Variants in TCF4 observed in about 807,000 individuals in gnomAD.
The protein encoded by TCF4 is transcription factor 4.
A neutral mutation model predicts 82.1 loss-of-function variants in TCF4; 3 were observed. That is an observed-to-expected ratio of 0.04 (90% CI 0.02 to 0.09). The LOEUF (loss-of-function observed/expected upper bound fraction) is 0.09. Ranked by LOEUF, TCF4 falls within the 10% of genes least tolerant of loss-of-function variation. The probability of loss-of-function intolerance (pLI) is 1.00; values close to 1 mark genes in which losing one functional copy is unlikely to be tolerated. For missense variants in TCF4, 518 were observed against 852.7 expected (o/e 0.61, Z 4.89); for synonymous variants, 276 against 309.6 (o/e 0.89, Z 1.14).
chr18:55,594,020 T>C (rs1249055888), intron 2 of TCF4, among the ~76,000 whole-genome samples: 1 of 152,196 alleles, frequency 6.6e-6, no homozygotes, highest in African/African-American at 2.4e-5. Context: ...CTACTCACAC[T>C]GTAAGTCTGA....
intron 5 of TCF4, among the ~76,000 whole-genome samples, chr18:55,416,791 C>T (rs1191328174): frequency 6.6e-6 from 1 of 152,190 alleles, no homozygotes; most frequent in Non-Finnish European, 1.5e-5. Context: ...ATTTAAATGA[C>T]TTTGACATGC....
chr18:55,398,090 T>C (rs1295912573), intron 6 of TCF4, among the ~76,000 whole-genome samples: 3 of 152,182 alleles, frequency 2.0e-5, no homozygotes, highest in Non-Finnish European at 2.9e-5. Flanking sequence ...ACAAGATCCC[T>C]TGGTTTTTCT....
intron 3 of TCF4, among the ~76,000 whole-genome samples, chr18:55,583,887 T>C (rs1232299314): frequency 6.6e-6 from 1 of 152,094 alleles, no homozygotes; most frequent in Non-Finnish European, 1.5e-5. Flanking sequence ...GAGGATACCA[T>C]ACAGAAATTT....
chr18:55,597,661 T>C (rs1442705536), intron 2 of TCF4, among the ~76,000 whole-genome samples: 1 of 150,682 alleles, frequency 6.6e-6, no homozygotes, highest in Non-Finnish European at 1.5e-5. Context: ...AGCAAGACTC[T>C]GTCTCAAAAA....
At chr18:55,560,573 A>G (rs763774743) in intron 3 of TCF4, among the ~76,000 whole-genome samples, 6 of 152,128 alleles carry the variant, frequency 3.9e-5, no homozygotes, top group Admixed American at 6.5e-5. Context: ...GGCTTCTCTG[A>G]TCATGCCTAG....
chr18:55,548,237 G>A (rs1568370652), intron 3 of TCF4, among the ~76,000 whole-genome samples: 1 of 152,164 alleles, frequency 6.6e-6, no homozygotes, highest in Non-Finnish European at 1.5e-5. Flanking sequence ...GGAATCCCAG[G>A]GAGGAATCAC....
At chr18:55,287,220 A>G (rs959118961) in intron 8 of TCF4, among the ~76,000 whole-genome samples, 3 of 152,336 alleles carry the variant, frequency 2.0e-5, no homozygotes, top group African/African-American at 4.8e-5. Context: ...GAAAAAGAAT[A>G]TATGTATTTC....
At chr18:55,481,145 A>C (rs2096422180) in intron 3 of TCF4, among the ~76,000 whole-genome samples, 1 of 150,948 alleles carries the variant, frequency 6.6e-6, no homozygotes, top group Non-Finnish European at 1.5e-5. Flanking sequence ...GATGTATGTA[A>C]TTTGGAAAGA....
At chr18:55,534,098 C>T (rs2097094532) in intron 3 of TCF4, among the ~76,000 whole-genome samples, 1 of 152,184 alleles carries the variant, frequency 6.6e-6, no homozygotes. Flanking sequence ...ATACCTTACA[C>T]ACATGGGCTA....
intron 3 of TCF4, among the ~76,000 whole-genome samples, chr18:55,581,574 A>G (rs1396316360): frequency 6.6e-6 from 1 of 152,018 alleles, no homozygotes; most frequent in Non-Finnish European, 1.5e-5. Flanking sequence ...CTCCTCAACA[A>G]ATATCTTTAA....
rs2046470470 is a variant in TCF4 at position 55,225,471 on chromosome 18, G to A, written c.*2564C>T. The A allele has an allele frequency of 6.6e-6, 1 of 152,536 alleles. No homozygotes were observed. Among genetic ancestry groups the A allele is most frequent in the East Asian group, 1.9e-4 (1 of 5,202 alleles). The allele number at this position is 152,536 out of a possible 1,614,324, so 9.4% of individuals were successfully genotyped here. On this transcript the variant is annotated 3_prime_UTR_variant, in exon 20 of 20. Transcript: ENST00000354452. ...CAGGGAGTGTTTCCAGTTCCCTAAA[G>A]AGTAAACACCGTATTTTCTTCTGTA... is the stretch of plus-strand genomic sequence containing the variant.
chr18:55,608,895 C>A (rs1199028682), intron 2 of TCF4, among the ~76,000 whole-genome samples: 2 of 152,088 alleles, frequency 1.3e-5, no homozygotes, highest in Admixed American at 6.6e-5. Context: ...TGTATCACCT[C>A]AAAATTCATG....
chr18:55,265,640 A>G (rs889238783), intron 11 of TCF4: 3 of 152,184 alleles, frequency 2.0e-5, no homozygotes, highest in Admixed American at 6.6e-5. Context: ...GACTACTTCA[A>G]GGCTCAATAT....
chr18:55,332,367 AAT>A lies in TCF4; in HGVS notation c.549+17990_549+17991del, dbSNP rs1296138476. ...ATTATTTTGTTGCATTGTTAACAGA[AAT>A]ATATGTTCATAACAAAGGACCTCAA... On this transcript the variant is annotated intron_variant, in intron 8 of 19. Coordinates refer to ENST00000354452, the MANE Select transcript of TCF4 (RefSeq NM_001083962.2). The A allele has an allele frequency of 3.3e-5, 5 of 152,208 alleles. 1 individual carries two copies. Among genetic ancestry groups the A allele is most frequent in the African/African-American group, 1.2e-4 (5 of 41,458 alleles). 9.4% of individuals were successfully genotyped at this position (152,208 alleles called of 1,614,324 possible).
chr18:55,535,736 T>C (rs1013794073), intron 3 of TCF4, among the ~76,000 whole-genome samples: 2 of 152,232 alleles, frequency 1.3e-5, no homozygotes, highest in Non-Finnish European at 2.9e-5. Flanking sequence ...GATACAAAGT[T>C]ATTTCTTGGT....
chr18:55,293,303 A>G (rs967719809), intron 8 of TCF4, among the ~76,000 whole-genome samples: 1 of 152,214 alleles, frequency 6.6e-6, no homozygotes, highest in Non-Finnish European at 1.5e-5. Flanking sequence ...CAGTTGCTAC[A>G]TGGAACATTT....
intron 6 of TCF4, among the ~76,000 whole-genome samples, chr18:55,374,144 G>A (rs890178564): frequency 2.6e-5 from 4 of 151,882 alleles, no homozygotes; most frequent in Non-Finnish European, 5.9e-5. Flanking sequence ...AAATCTAAGG[G>A]ATGCAGCCAA....
At chr18:55,263,399 A>G (rs375245554) in intron 11 of TCF4, among the ~76,000 whole-genome samples, 4 of 152,300 alleles carry the variant, frequency 2.6e-5, no homozygotes, top group South Asian at 4.1e-4. Context: ...AAGATAAAAT[A>G]CAACAAATTA....
chr18:55,613,838 G>A (rs1049421254), intron 2 of TCF4, among the ~76,000 whole-genome samples: 8 of 152,250 alleles, frequency 5.3e-5, no homozygotes, highest in South Asian at 4.1e-4. Context: ...GGGATACAGC[G>A]TCAAACCATA....
Sources: gnomAD v4.1 joint callset for allele counts (sites outside exome capture counted in the v4.1 genomes callset) on GRCh38, gnomAD v4.1.1 for gene constraint, MANE v1.5 for transcripts, NCBI Gene and HGNC (gene_info 2026-07-23, HGNC 2026-07-21) for gene names.